The following UACA variants were observed in gnomAD, a reference collection of about 807,000 sequenced individuals.
UACA encodes the protein uveal autoantigen with coiled-coil domains and ankyrin repeats.
Under a neutral mutation model 160.5 loss-of-function variants are expected in UACA, and 112 were observed. The ratio of observed to expected loss-of-function variants is 0.70; its 90% CI spans 0.60 to 0.82. The LOEUF (loss-of-function observed/expected upper bound fraction) is 0.82. Among genes scored for constraint, UACA ranks in the 40% least tolerant of loss-of-function variants. The pLI is 0.00. For missense variants in UACA, 1,574 were observed against 1,614.6 expected, an observed-to-expected ratio of 0.97 and a Z score of 0.43; for synonymous variants, 557 against 568.4, an observed-to-expected ratio of 0.98 and a Z score of 0.29.
intron 1 of UACA, among the ~76,000 whole-genome samples, chr15:70,744,448 T>G (rs1049481967): frequency 6.6e-6 from 1 of 151,978 alleles, no homozygotes; most frequent in Non-Finnish European, 1.5e-5. Context: ...TCATAAATAT[T>G]TGTTGAGTAA....
Position 70,687,750 on chromosome 15 carries a change from T to A in UACA, c.495A>T (p.Val165=), listed in dbSNP as rs751899551. ...TGAGAATAAACATAAACTAACTTACTACATCTTTGGCATTCACAGAGGCCC... is the reference window on the plus strand; with the variant it reads ...TGAGAATAAACATAAACTAACTTACAACATCTTTGGCATTCACAGAGGCCC... ...DHGASVNAKD[V]DGRTPLVLAT... is the part of the protein sequence containing the mutation. The change falls in exon 6 of 19, where the codon GTA becomes GTT. Residue 165 remains valine (V), a splice_region_variant and synonymous_variant. Coordinates refer to ENST00000322954, the MANE Select transcript of UACA (RefSeq NM_018003.4). 2 of 1,613,752 alleles carry A rather than the reference T, an allele frequency of 1.2e-6. No individual in the cohort carries two copies. Among genetic ancestry groups the A allele is most frequent in the Non-Finnish European group, 8.5e-7 (1 of 1,179,754 alleles).
intron 1 of UACA, among the ~76,000 whole-genome samples, chr15:70,752,874 G>C (rs932150579): frequency 1.4e-4 from 22 of 152,150 alleles, no homozygotes; most frequent in Admixed American, 1.0e-3. Context: ...AGAAGGGGCA[G>C]TGTGACAGTA....
chr15:70,700,318 T>TATAC (rs565377949), intron 1 of UACA, among the ~76,000 whole-genome samples: 35 of 139,818 alleles, frequency 2.5e-4, no homozygotes, highest in East Asian at 8.0e-4. Context: ...TATATATATA[T>TATAC]ACACACACAC....
intron 1 of UACA, among the ~76,000 whole-genome samples, chr15:70,708,123 G>A (rs1038456763): frequency 1.3e-5 from 2 of 152,080 alleles, no homozygotes; most frequent in African/African-American, 2.4e-5. Flanking sequence ...CACATGCTAC[G>A]ACATAGATGA....
chr15:70,672,777 G>A (rs1431643594), intron 13 of UACA, among the ~76,000 whole-genome samples: 2 of 152,040 alleles, frequency 1.3e-5, no homozygotes, highest in African/African-American at 4.8e-5. Context: ...TAGGCAACGT[G>A]GTGAGACCTC....
At chr15:70,745,394 G>T (rs988945280) in intron 1 of UACA, among the ~76,000 whole-genome samples, 1 of 150,576 alleles carries the variant, frequency 6.6e-6, no homozygotes, top group Non-Finnish European at 1.5e-5. Flanking sequence ...GAGATCGTGC[G>T]TGCCACTGCA....
chr15:70,715,793 T>G (rs1252403649), intron 1 of UACA, among the ~76,000 whole-genome samples: 3 of 152,164 alleles, frequency 2.0e-5, no homozygotes. Context: ...CATATTTAGA[T>G]CTATAATAAA....
chr15:70,729,525 G>C (rs535001241), intron 1 of UACA, among the ~76,000 whole-genome samples: 3 of 104,032 alleles, frequency 2.9e-5, no homozygotes, highest in Non-Finnish European at 5.4e-5. Context: ...CCCTTCCGCC[G>C]CCTGTGAAGG....
At chr15:70,742,409 T>C (rs1178191411) in intron 1 of UACA, among the ~76,000 whole-genome samples, 1 of 152,212 alleles carries the variant, frequency 6.6e-6, no homozygotes, top group Non-Finnish European at 1.5e-5. Flanking sequence ...ATAACATTTA[T>C]CTTACTGACA....
intron 1 of UACA, among the ~76,000 whole-genome samples, chr15:70,725,230 CCT>C (rs546453313): frequency 1.8e-4 from 28 of 152,158 alleles, no homozygotes; most frequent in Middle Eastern, 3.4e-3. Flanking sequence ...AATTTCTTCC[CCT>C]GTTAGGTTAA....
intron 16 of UACA, 115 bp downstream of exon 16, chr15:70,666,609 A>C: frequency 1.2e-6 from 1 of 845,498 alleles, no homozygotes; most frequent in Non-Finnish European, 1.7e-6. Flanking sequence ...CAAGTTGCTA[A>C]ACTGGAAAGG....
At chr15:70,729,011 G>A (rs1393619448) in intron 1 of UACA, among the ~76,000 whole-genome samples, 1 of 152,104 alleles carries the variant, frequency 6.6e-6, no homozygotes, top group African/African-American at 2.4e-5. Flanking sequence ...AATCAGAATG[G>A]CTATTATTAT....
chr15:70,670,177 C>T (rs567631688), intron 15 of UACA, among the ~76,000 whole-genome samples: 3 of 152,198 alleles, frequency 2.0e-5, no homozygotes, highest in East Asian at 3.9e-4. Context: ...CTCAAGCATG[C>T]GCACTAAGAG....
chr15:70,684,249 A>G lies in UACA; in HGVS notation c.784+16T>C. 1 of 1,579,398 alleles carries G rather than the reference A, an allele frequency of 6.3e-7. No individual in the cohort carries two copies. Among genetic ancestry groups the G allele is most frequent in the African/African-American group, 1.4e-5 (1 of 73,188 alleles). On this transcript the variant is annotated intron_variant, in intron 8 of 18. Transcript: ENST00000322954. ...TGTTAATGTGGACTTTTCTAGTTAC[A>G]GAAAACTGCTGATACCTTTGTTGGT...
intron 1 of UACA, among the ~76,000 whole-genome samples, chr15:70,740,418 A>T (rs184905041): frequency 1.5e-3 from 224 of 150,796 alleles, no homozygotes; most frequent in Admixed American, 0.013. Context: ...ATTCGAGATC[A>T]GCCTAGGCAA....
rs1036672969 is a variant in UACA, at chr15:70,715,840, T to A, written c.79-16180A>T. Among the ~76,000 whole-genome samples, 128 of 152,334 alleles carry A rather than the reference T, an allele frequency of 8.4e-4. 1 individual carries two copies. The highest frequency in any genetic ancestry group is 3.0e-3 in the African/African-American group (125 of 41,574). ...ATAAATAAGGATTATATTTCAAAAT[T>A]GTTTAGAAAAAACCTCTTAAGTGTT... On this transcript the variant is annotated intron_variant, in intron 1 of 18. Coordinates refer to ENST00000322954, the MANE Select transcript of UACA (RefSeq NM_018003.4).
At chr15:70,721,260 G>C (rs1309560300) in intron 1 of UACA, among the ~76,000 whole-genome samples, 1 of 152,130 alleles carries the variant, frequency 6.6e-6, no homozygotes, top group Non-Finnish European at 1.5e-5. Context: ...TATGGGTGTG[G>C]GTAAATATAG....
rs564421377 is a variant in UACA at position 70,713,884 on chromosome 15, G to A, written c.79-14224C>T. 1.9e-3 allele frequency among the ~76,000 whole-genome samples: 290 copies of A among 152,000 alleles called. 1 individual carries two copies. The highest frequency in any genetic ancestry group is 6.5e-3 in the African/African-American group (270 of 41,462). On this transcript the variant is annotated intron_variant, in intron 1 of 18. Transcript: ENST00000322954. ...CTAAATAAACTTTACAATGAACCAT[G>A]CTAAAAAAACAACCATAAAAATAGC...
chr15:70,666,729 T>A lies in UACA; in HGVS notation c.3955A>T (p.Asn1319Tyr), dbSNP rs368078785. ...ESAKQIEAKD[N>Y]KITELLNDVE... ...GCAGACTACTTTGTACCTACCTTAT[T>A]ATCTTTTGCTTCTATTTGTTTAGCA... Residue 1319 changes from asparagine (N) to tyrosine (Y), a missense_variant, in exon 16 of 19, where the codon AAT becomes TAT. Coordinates refer to ENST00000322954, the MANE Select transcript of UACA (RefSeq NM_018003.4). The A allele has an allele frequency of 6.2e-7, 1 of 1,602,424 alleles. No homozygotes were observed. Among genetic ancestry groups the A allele is most frequent in the East Asian group, 2.2e-5 (1 of 44,824 alleles).
Sources: allele counts gnomAD v4.1 joint callset (sites outside exome capture counted in the v4.1 genomes callset), GRCh38; gene constraint gnomAD v4.1.1; transcripts MANE v1.5; gene names NCBI Gene and HGNC (gene_info 2026-07-23, HGNC 2026-07-21).